USP16: variants seen among roughly 807,000 people sequenced by gnomAD.
USP16 encodes ubiquitin carboxyl-terminal hydrolase 16.
A neutral mutation model predicts 95.9 loss-of-function variants in USP16; 77 were observed. The ratio of observed to expected loss-of-function variants is 0.80; its 90% CI spans 0.67 to 0.97. The LOEUF (loss-of-function observed/expected upper bound fraction) is 0.97, where lower values mean the gene tolerates loss of function less well. Ranked by LOEUF, USP16 falls within the 50% of genes least tolerant of loss-of-function variation. The probability of loss-of-function intolerance (pLI) is 0.00; values close to 1 mark genes in which losing one functional copy is unlikely to be tolerated. For missense variants in USP16, 943 were observed against 959.9 expected, an observed-to-expected ratio of 0.98 and a Z score of 0.23; for synonymous variants, 303 against 318.2, an observed-to-expected ratio of 0.95 and a Z score of 0.51.
rs185905412 is a variant in USP16 at position 29,030,571 on chromosome 21, C to T, written c.62-24C>T. 4.6e-6 allele frequency: 7 copies of T among 1,531,990 alleles called. No homozygotes were observed. The East Asian group carries it at 7.0e-5, about 15-fold the overall frequency. The allele number at this position is 1,531,990 out of a possible 1,614,324, so 94.9% of individuals were successfully genotyped here. ...AAGTCATTTTTGACCTTATATATTCCTTGTCTATTATTTGTTTTAATAGAA... is the reference window on the plus strand; with the variant it reads ...AAGTCATTTTTGACCTTATATATTCTTTGTCTATTATTTGTTTTAATAGAA... On this transcript the variant is annotated intron_variant, in intron 2 of 17. Coordinates refer to ENST00000399976, the MANE Select transcript of USP16 (RefSeq NM_006447.3).
rs1281189866 is a variant in USP16 at position 29,041,908 on chromosome 21, TTAAAA to T, written c.1031-98_1031-94del. 3.8e-5 allele frequency: 36 copies of T among 938,076 alleles called. 1 individual carries two copies. Among genetic ancestry groups the T allele is most frequent in the Non-Finnish European group, 5.1e-5 (32 of 624,720 alleles). The allele number at this position is 938,076 out of a possible 1,614,324, so 58.1% of individuals were successfully genotyped here. The stretch of plus-strand genomic sequence containing the variant: ...GGAAGAAGTCTGTGGGACAGGAAAT[TTAAAA>T]TAAAATTTTAGAGTTAGATAGGTAA... On this transcript the variant is annotated intron_variant, in intron 10 of 17. Transcript: ENST00000399976.
At chr21:29,042,398 CA>C in intron 11 of USP16, 73 bp from the exon 12 acceptor site, 1 of 1,402,032 alleles carries the variant, frequency 7.1e-7, no homozygotes, top group Non-Finnish European at 9.8e-7. Flanking sequence ...CCCCATCCCA[CA>C]GGGCAGGGAG....
intron 4 of USP16, 36 bp from the exon 5 acceptor site, chr21:29,036,235 T>C: frequency 6.5e-7 from 1 of 1,544,262 alleles, no homozygotes; most frequent in Non-Finnish European, 8.9e-7. Flanking sequence ...TTAGTTGTCA[T>C]TTTGTCATTT....
intron 6 of USP16, among the ~76,000 whole-genome samples, chr21:29,037,726 C>T (rs549672689): frequency 2.0e-5 from 3 of 152,054 alleles, no homozygotes; most frequent in East Asian, 3.9e-4. Flanking sequence ...GCTGGGACTA[C>T]AGGCATGCGC....
Position 29,043,491 on chromosome 21 carries a change from G to C in USP16, c.1248G>C (p.Glu416Asp). The C allele has an allele frequency of 6.3e-7, 1 of 1,597,152 alleles. No homozygotes were observed. Among genetic ancestry groups the C allele is most frequent in the Non-Finnish European group, 8.5e-7 (1 of 1,173,234 alleles). Reference protein sequence around the residue: ...KTVEDEDQDSEEEKDNDSYIK... With the variant: ...KTVEDEDQDSDEEKDNDSYIK... ...TGGAGGATGAAGATCAAGATAGTGA[G>C]GAAGAAAAAGATAACGACAGTTACA... is the stretch of plus-strand genomic sequence containing the variant. Residue 416 changes from glutamate (E) to aspartate (D), a missense_variant, in exon 13 of 18, where the codon GAG (glutamate) becomes GAC (aspartate). By Grantham distance (45) the Glu-to-Asp change is conservative. Transcript: ENST00000399976.
Position 29,053,825 on chromosome 21 carries a change from G to T in USP16, c.2217G>T (p.Arg739Ser). 6.2e-7 allele frequency: 1 copy of T among 1,613,070 alleles called. No individual in the cohort carries two copies. The highest frequency in any genetic ancestry group is 8.5e-7 in the Non-Finnish European group (1 of 1,179,718). Residue 739 changes from arginine to serine, a missense_variant, in exon 17 of 18, where the codon AGG becomes AGT. Physicochemically the swap from Arg to Ser is moderately radical, Grantham distance 110. Transcript: ENST00000399976. ...AGAATGTTGCAGAAGAAAATACAAG[G>T]GTACTCTATTCCTTATATGGAGTTG... ...KCKNVAEENTRVLYSLYGVVE... is the reference protein window; with the variant it reads ...KCKNVAEENTSVLYSLYGVVE...
intron 10 of USP16, among the ~76,000 whole-genome samples, chr21:29,041,752 C>T (rs1315125003): frequency 6.6e-6 from 1 of 152,100 alleles, no homozygotes; most frequent in Non-Finnish European, 1.5e-5. Context: ...GTTTACTTCC[C>T]ACTGACTAGA....
At chr21:29,053,599 C>G in intron 16 of USP16, 1 of 489,600 alleles carries the variant, frequency 2.0e-6, no homozygotes, top group Non-Finnish European at 3.5e-6. Flanking sequence ...GCTTTTCTAC[C>G]AGGGGAACAA....
intron 13 of USP16, among the ~76,000 whole-genome samples, 199 bp from the exon 14 acceptor site, chr21:29,046,468 G>T (rs530167109): frequency 6.6e-6 from 1 of 152,118 alleles, no homozygotes; most frequent in South Asian, 2.1e-4. Context: ...TAATTTTTTT[G>T]ATCCTTGATA....
intron 13 of USP16, among the ~76,000 whole-genome samples, chr21:29,044,876 G>A (rs1427558961): frequency 2.6e-5 from 4 of 152,016 alleles, no homozygotes; most frequent in Non-Finnish European, 5.9e-5. Context: ...ATAATGGTGA[G>A]TGCTCTAGTG....
chr21:29,046,615 C>T (rs2085326522), intron 13 of USP16, 52 bp from the exon 14 acceptor site: 6 of 1,521,276 alleles, frequency 3.9e-6, no homozygotes, highest in Non-Finnish European at 5.3e-6. Flanking sequence ...TCCTCCTTTT[C>T]TCCCGCTCTT....
At chr21:29,035,770 G>A (rs2085146066) in intron 4 of USP16, among the ~76,000 whole-genome samples, 1 of 151,638 alleles carries the variant, frequency 6.6e-6, no homozygotes, top group Non-Finnish European at 1.5e-5. Context: ...CAAAAAAAAA[G>A]TAGCTGGGCA....
At chr21:29,033,563 G>A (rs1357677868) in intron 3 of USP16, among the ~76,000 whole-genome samples, 1 of 152,188 alleles carries the variant, frequency 6.6e-6, no homozygotes, top group Non-Finnish European at 1.5e-5. Flanking sequence ...CAGAAGTTTA[G>A]GTCATGTTCT....
Position 29,032,123 on chromosome 21 carries a change from T to C in USP16, c.240+1350T>C, listed in dbSNP as rs531108133. 2.0e-5 allele frequency among the ~76,000 whole-genome samples: 3 copies of C among 152,342 alleles called. No homozygotes were observed. The South Asian group carries it at 6.2e-4, about 32-fold the overall frequency. On this transcript the variant is annotated intron_variant, in intron 3 of 17. Coordinates refer to ENST00000399976, the MANE Select transcript of USP16 (RefSeq NM_006447.3). ...CCACCTCCCTACTGCCACCACTCTCTGCAGCCCCTGGCAACTACCATTCTA... is the reference window on the plus strand; with the variant it reads ...CCACCTCCCTACTGCCACCACTCTCCGCAGCCCCTGGCAACTACCATTCTA...
At chr21:29,044,771 C>CT (rs919312956) in intron 13 of USP16, among the ~76,000 whole-genome samples, 4 of 151,728 alleles carry the variant, frequency 2.6e-5, no homozygotes, top group African/African-American at 4.8e-5. Context: ...TTCTTTCTTT[C>CT]TTTTTTTTAA....
chr21:29,032,075 G>T (rs60260312), intron 3 of USP16, among the ~76,000 whole-genome samples: 1 of 151,978 alleles, frequency 6.6e-6, no homozygotes, highest in Non-Finnish European at 1.5e-5. Flanking sequence ...GGGATCTCTT[G>T]TGTTGCCCTT....
At chr21:29,035,964 G>A (rs2085149859) in intron 4 of USP16, among the ~76,000 whole-genome samples, 1 of 152,082 alleles carries the variant, frequency 6.6e-6, no homozygotes. Flanking sequence ...TGTTATTTTT[G>A]TTAGTGTTAT....
Position 29,053,528 on chromosome 21 carries a change from G to A in USP16, c.2194-274G>A, listed in dbSNP as rs2085448000. The A allele has an allele frequency of 1.2e-5, 4 of 327,790 alleles. No homozygotes were observed. In the Admixed American group the frequency reaches 1.3e-4, roughly 11 times the overall value. 20.3% of individuals were successfully genotyped at this position (327,790 alleles called of 1,614,324 possible). ...CTCAGGCTCCTAAAGAAACTGGCAA[G>A]TTGAATTCAGTTATTTGGTATCTGA... On this transcript the variant is annotated intron_variant, in intron 16 of 17. Transcript: ENST00000399976.
chr21:29,042,711 G>A, intron 12 of USP16, 183 bp downstream of exon 12: 2 of 513,556 alleles, frequency 3.9e-6, no homozygotes, highest in Non-Finnish European at 6.7e-6. Context: ...TAAAAACAAG[G>A]ATGGAAAAAA....
Sources: gnomAD v4.1 joint callset for allele counts (sites outside exome capture counted in the v4.1 genomes callset) on GRCh38, gnomAD v4.1.1 for gene constraint, MANE v1.5 for transcripts, NCBI Gene and HGNC (gene_info 2026-07-23, HGNC 2026-07-21) for gene names.